Variants in TAF1B observed in about 807,000 individuals in gnomAD.
TAF1B encodes the protein TATA-box binding protein associated factor, RNA polymerase I subunit B.
In TAF1B, 61 loss-of-function variants were observed where a neutral mutation model predicts 83.9. That is an observed-to-expected ratio of 0.73 (90% CI 0.59 to 0.90). The LOEUF (loss-of-function observed/expected upper bound fraction) is 0.90. Among genes scored for constraint, TAF1B ranks in the 40% least tolerant of loss-of-function variants. The pLI is 0.00. For synonymous variants in TAF1B, 221 were observed against 224.6 expected (o/e 0.98, Z 0.14); for missense variants, 625 against 677.0 (o/e 0.92, Z 0.85).
intron 5 of TAF1B, among the ~76,000 whole-genome samples, chr2:9,867,090 A>C (rs1282287271): frequency 1.3e-5 from 2 of 152,236 alleles, no homozygotes; most frequent in African/African-American, 2.4e-5. Context: ...GTATAATAAA[A>C]AAATTTTTAA....
intron 5 of TAF1B, among the ~76,000 whole-genome samples, chr2:9,867,194 ATCTT>A (rs781335076): frequency 1.6e-3 from 241 of 152,356 alleles, no homozygotes; most frequent in Middle Eastern, 3.4e-3. Context: ...GTAGATGTGA[ATCTT>A]TGAACAGATA....
At chr2:9,920,249 G>A (rs1665829966) in intron 14 of TAF1B, among the ~76,000 whole-genome samples, 1 of 151,990 alleles carries the variant, frequency 6.6e-6, no homozygotes, top group Non-Finnish European at 1.5e-5. Context: ...ATACTGATAC[G>A]ATACCTTTAT....
At chr2:9,917,916 C>CA (rs1434828668) in intron 12 of TAF1B, among the ~76,000 whole-genome samples, 9 of 151,672 alleles carry the variant, frequency 5.9e-5, no homozygotes, top group Non-Finnish European at 8.8e-5. Context: ...ACTAAAAATA[C>CA]AAAAAATTAG....
At position 9,910,891 on chromosome 2, in the gene TAF1B, C is replaced by G; in HGVS notation, c.1111C>G (p.Leu371Val). Reference sequence around the variant, plus strand: ...TGTGGTGGTATTGAAACTGCTCTTTCTATTGGATGACAGTTTCGAGTGGTA... The same window carrying G: ...TGTGGTGGTATTGAAACTGCTCTTTGTATTGGATGACAGTTTCGAGTGGTA... Reference protein sequence around the residue: ...IIVVVLKLLFLLDDSFEWSLS... With the variant: ...IIVVVLKLLFVLDDSFEWSLS... The change falls in exon 10 of 15, where the codon CTA becomes GTA. Residue 371 changes from leucine (L) to valine (V), a missense_variant. By Grantham distance (32) the Leu-to-Val change is conservative. Transcript: ENST00000263663. 1.2e-6 allele frequency: 2 copies of G among 1,610,524 alleles called. No individual in the cohort carries two copies. Among genetic ancestry groups the G allele is most frequent in the South Asian group, 2.2e-5 (2 of 90,350 alleles).
chr2:9,878,089 C>T (rs1045899914), intron 7 of TAF1B, among the ~76,000 whole-genome samples: 1 of 152,178 alleles, frequency 6.6e-6, no homozygotes, highest in Non-Finnish European at 1.5e-5. Context: ...TGACTTACAG[C>T]TTCAGTATCA....
chr2:9,859,084 T>C (rs1406421247), intron 5 of TAF1B, among the ~76,000 whole-genome samples: 1 of 152,274 alleles, frequency 6.6e-6, no homozygotes, highest in Non-Finnish European at 1.5e-5. Flanking sequence ...TTCTATGCTC[T>C]GCTTCCCTTT....
In TAF1B at chr2:9,914,963, T is replaced by A. The variant is rs1308178519; in HGVS notation, c.1271+1714T>A. Among the ~76,000 whole-genome samples, 3 of 152,252 alleles carry A rather than the reference T, an allele frequency of 2.0e-5. No individual in the cohort carries two copies. The highest frequency in any genetic ancestry group is 4.8e-5 in the African/African-American group (2 of 41,474). ...CTCTTTGTTTCTCTGAATATTATCA[T>A]CCATGTTGTCAGATGAAAATTATTA... On this transcript the variant is annotated intron_variant, in intron 12 of 14. Coordinates refer to ENST00000263663, the MANE Select transcript of TAF1B (RefSeq NM_005680.3). The surrounding 1 kb of genome is among the most constrained non-coding windows in gnomAD (Gnocchi z 4.3).
At chr2:9,897,781 C>G (rs1257064998) in intron 8 of TAF1B, among the ~76,000 whole-genome samples, 1 of 152,200 alleles carries the variant, frequency 6.6e-6, no homozygotes, top group Admixed American at 6.5e-5. Flanking sequence ...CCTTCTTACT[C>G]TGTAGGCCAC....
chr2:9,859,795 G>C (rs1212039117), intron 5 of TAF1B, among the ~76,000 whole-genome samples: 1 of 152,114 alleles, frequency 6.6e-6, no homozygotes, highest in East Asian at 1.9e-4. Flanking sequence ...ACCCCTGCTT[G>C]TTACCCAGTT....
At chr2:9,932,963 G>A (rs1465946719) in intron 14 of TAF1B, among the ~76,000 whole-genome samples, 3 of 152,218 alleles carry the variant, frequency 2.0e-5, no homozygotes, top group Non-Finnish European at 4.4e-5. Flanking sequence ...CTCCGTGGGC[G>A]AGGGACCAGC....
intron 6 of TAF1B, among the ~76,000 whole-genome samples, chr2:9,875,438 G>T (rs1354970853): frequency 6.6e-6 from 1 of 152,156 alleles, no homozygotes; most frequent in African/African-American, 2.4e-5. Flanking sequence ...CTGCTATGAA[G>T]AAATACCCAA....
At chr2:9,888,340 CT>C (rs892321957) in intron 8 of TAF1B, among the ~76,000 whole-genome samples, 1 of 151,208 alleles carries the variant, frequency 6.6e-6, no homozygotes. Context: ...AATCATTTAT[CT>C]TTTCAAGAGA....
At chr2:9,874,507 A>G (rs1664263072) in intron 6 of TAF1B, among the ~76,000 whole-genome samples, 1 of 152,080 alleles carries the variant, frequency 6.6e-6, no homozygotes, top group Non-Finnish European at 1.5e-5. Flanking sequence ...CTTGGGCTCA[A>G]GTGATCCTCC....
chr2:9,913,165 C>T lies in TAF1B; in HGVS notation c.1187C>T (p.Pro396Leu). ...TGGATTTTATTTCTTTCAGATAAGCCATGGTTTGATTTCAGAAAGTGGTAC... is the reference window on the plus strand; with the variant it reads ...TGGATTTTATTTCTTTCAGATAAGCTATGGTTTGATTTCAGAAAGTGGTAC... ...KHNEKNKKDKPWFDFRKWYQI... is the reference protein window; with the variant it reads ...KHNEKNKKDKLWFDFRKWYQI... The change falls in exon 12 of 15, where the codon CCA becomes CTA. Residue 396 changes from proline (P) to leucine (L), a missense_variant. Pro to Leu is a moderately conservative substitution (Grantham distance 98). Coordinates refer to ENST00000263663, the MANE Select transcript of TAF1B (RefSeq NM_005680.3). 5 of 1,602,736 alleles carry T rather than the reference C, an allele frequency of 3.1e-6. No homozygotes were observed. The highest frequency in any genetic ancestry group is 1.1e-5 in the South Asian group (1 of 88,392).
chr2:9,863,363 A>G (rs1198155314), intron 5 of TAF1B, among the ~76,000 whole-genome samples: 1 of 152,248 alleles, frequency 6.6e-6, no homozygotes, highest in Non-Finnish European at 1.5e-5. Context: ...CCATTACATA[A>G]TGGTAAAGGG....
Position 9,905,024 on chromosome 2 carries a change from A to G in TAF1B, c.955+18A>G, listed in dbSNP as rs1245332381. ...CCTCCCTGGTAAGTGTGTGACATAT[A>G]TTGTGGGGACACTTTAACTAGTAGA... On this transcript the variant is annotated intron_variant, in intron 9 of 14. Coordinates refer to ENST00000263663, the MANE Select transcript of TAF1B (RefSeq NM_005680.3). The G allele has an allele frequency of 1.9e-6, 3 of 1,601,690 alleles. No homozygotes were observed. The highest frequency in any genetic ancestry group is 1.7e-5 in the Admixed American group (1 of 59,086).
At chr2:9,869,212 A>T (rs867559279) in intron 6 of TAF1B, among the ~76,000 whole-genome samples, 1 of 150,786 alleles carries the variant, frequency 6.6e-6, no homozygotes, top group Non-Finnish European at 1.5e-5. Flanking sequence ...TTGTTTGCTT[A>T]TTTTTTTTTG....
intron 7 of TAF1B, among the ~76,000 whole-genome samples, chr2:9,876,823 G>A (rs1178146691): frequency 1.3e-5 from 2 of 152,096 alleles, no homozygotes; most frequent in Non-Finnish European, 2.9e-5. Context: ...CTACCTCATA[G>A]GGTTGTAACT....
chr2:9,852,628 A>G (rs1176661594), intron 4 of TAF1B, among the ~76,000 whole-genome samples: 1 of 152,010 alleles, frequency 6.6e-6, no homozygotes, highest in Non-Finnish European at 1.5e-5. Context: ...AGTAGCTGGG[A>G]CTACAGGCAC....
Sources: allele counts gnomAD v4.1 joint callset (sites outside exome capture counted in the v4.1 genomes callset), GRCh38; gene constraint gnomAD v4.1.1; non-coding constraint Gnocchi (gnomAD v3.1); transcripts MANE v1.5; gene names NCBI Gene and HGNC (gene_info 2026-07-23, HGNC 2026-07-21).